UBP1: variants seen among roughly 807,000 people sequenced by gnomAD.
UBP1 encodes upstream binding protein 1.
A neutral mutation model predicts 76.1 loss-of-function variants in UBP1; 22 were observed. That is an observed-to-expected ratio of 0.29 (90% confidence interval 0.21 to 0.41). The LOEUF (loss-of-function observed/expected upper bound fraction) is 0.41, where lower values mean the gene tolerates loss of function less well. UBP1 is among the 10% of genes least tolerant of loss of function. UBP1 has a pLI of 1.00. For missense variants in UBP1, 436 were observed against 668.1 expected (o/e 0.65, Z 3.83); for synonymous variants, 224 against 237.1 (o/e 0.94, Z 0.51).
In UBP1 at chr3:33,440,080, C is replaced by A. The variant is rs2045268043; in HGVS notation, c.-232G>T. 4 of 451,210 alleles carry A rather than the reference C, an allele frequency of 8.9e-6. No homozygotes were observed. Among genetic ancestry groups the A allele is most frequent in the African/African-American group, 2.1e-5 (1 of 47,670 alleles). 28.0% of individuals were successfully genotyped at this position (451,210 alleles called of 1,614,324 possible). Reference sequence around the variant, plus strand: ...CGGGCCGCCGGCAGCGCCACCCTCCCGCGGACACCGGCCCTGCGCCTCATG... The same window carrying A: ...CGGGCCGCCGGCAGCGCCACCCTCCAGCGGACACCGGCCCTGCGCCTCATG... On this transcript the variant is annotated 5_prime_UTR_variant, in exon 1 of 16. Coordinates refer to ENST00000283629, the MANE Select transcript of UBP1 (RefSeq NM_014517.5).
chr3:33,409,374 T>A lies in UBP1; in HGVS notation c.709-28A>T. ...TAAAAACAAAGTATACTATTTCATC[T>A]ATCAGGCTGCAGACACACAGCTTTA... is the stretch of plus-strand genomic sequence containing the variant. On this transcript the variant is annotated intron_variant, in intron 6 of 15. Transcript: ENST00000283629. 1.9e-6 allele frequency: 3 copies of A among 1,614,022 alleles called. No homozygotes were observed. The South Asian group carries it at 3.3e-5, about 18-fold the overall frequency.
chr3:33,401,106 T>C (rs2044211859), intron 9 of UBP1, 90 bp from the exon 10 acceptor site: 18 of 1,280,318 alleles, frequency 1.4e-5, no homozygotes, highest in Non-Finnish European at 1.8e-5. Context: ...ATTGTAACTA[T>C]GCAAATTTCA....
At chr3:33,435,100 C>T (rs2045184396) in intron 1 of UBP1, among the ~76,000 whole-genome samples, 2 of 152,184 alleles carry the variant, frequency 1.3e-5, no homozygotes, top group Admixed American at 1.3e-4. Context: ...CCAACCTTAG[C>T]TTTACAGTAA....
At position 33,396,169 on chromosome 3, in the gene UBP1, T is replaced by C; in HGVS notation, c.1383A>G (p.Ala461=). 6.3e-7 allele frequency: 1 copy of C among 1,578,774 alleles called. No homozygotes were observed. The highest frequency in any genetic ancestry group is 1.1e-5 in the South Asian group (1 of 88,488). ...GATGCCCTCAATACCTACCATAGGG[T>C]GCCCCACTGCCATTCTCGCTTGCAC... The part of the protein sequence containing the change: ...ASSASENGSG[A]PYVYHAIYLE... Residue 461 remains alanine (A), a synonymous_variant, in exon 13 of 16, where the codon GCA becomes GCG. Coordinates refer to ENST00000283629, the MANE Select transcript of UBP1 (RefSeq NM_014517.5).
At chr3:33,425,181 CA>C (rs2154059166) in intron 2 of UBP1, among the ~76,000 whole-genome samples, 1 of 152,240 alleles carries the variant, frequency 6.6e-6, no homozygotes, top group East Asian at 1.9e-4. Context: ...TTTATTTAGC[CA>C]CAGACTCCAT....
chr3:33,419,668 T>C (rs1339078599), intron 2 of UBP1, among the ~76,000 whole-genome samples: 2 of 151,394 alleles, frequency 1.3e-5, no homozygotes, highest in Non-Finnish European at 2.9e-5. Context: ...AAAGACTCTA[T>C]AACACTTGCT....
intron 1 of UBP1, among the ~76,000 whole-genome samples, chr3:33,426,004 T>TA (rs1158174502): frequency 1.5e-5 from 1 of 67,736 alleles, no homozygotes; most frequent in East Asian, 6.7e-4. Context: ...TGAATATATA[T>TA]ATATATATAT....
chr3:33,396,144 G>C lies in UBP1; in HGVS notation c.1390+18C>G. On this transcript the variant is annotated intron_variant, in intron 13 of 15. Coordinates refer to ENST00000283629, the MANE Select transcript of UBP1 (RefSeq NM_014517.5). ...ACAGTCTCAGAAGTGACAGAATTGA[G>C]ATGCCCTCAATACCTACCATAGGGT... The C allele has an allele frequency of 1.3e-6, 2 of 1,530,950 alleles. No individual in the cohort carries two copies. Among genetic ancestry groups the C allele is most frequent in the Non-Finnish European group, 1.8e-6 (2 of 1,118,910 alleles). 94.8% of individuals were successfully genotyped at this position (1,530,950 alleles called of 1,614,324 possible). A position where few individuals can be genotyped will look rare whatever the true frequency, so the allele number is the denominator to read the frequency against.
In UBP1 at chr3:33,439,978, G is replaced by T; in HGVS notation, c.-130C>A. 1.0e-6 allele frequency: 1 copy of T among 956,666 alleles called. No homozygotes were observed. Among genetic ancestry groups the T allele is most frequent in the African/African-American group, 1.8e-5 (1 of 56,924 alleles). 59.3% of individuals were successfully genotyped at this position (956,666 alleles called of 1,614,324 possible). On this transcript the variant is annotated 5_prime_UTR_variant, in exon 1 of 16. Coordinates refer to ENST00000283629, the MANE Select transcript of UBP1 (RefSeq NM_014517.5). ...GGAGGGGCGGCGAGTGGTCACCAGC[G>T]GCGGCCGGGACGAGAGCTGCGGGGG...
intron 1 of UBP1, among the ~76,000 whole-genome samples, chr3:33,438,982 A>G (rs1287490135): frequency 1.3e-5 from 2 of 152,202 alleles, no homozygotes; most frequent in Admixed American, 1.3e-4. Flanking sequence ...TAAAGCCACT[A>G]AAAAAATACA....
chr3:33,390,756 C>T (rs982226382), intron 15 of UBP1: 1 of 185,042 alleles, frequency 5.4e-6, no homozygotes, highest in Non-Finnish European at 1.1e-5. Context: ...CAAATGTGTA[C>T]ATCTACCTTT....
chr3:33,412,156 C>T (rs909167240), intron 4 of UBP1, among the ~76,000 whole-genome samples: 3 of 141,858 alleles, frequency 2.1e-5, no homozygotes, highest in Admixed American at 7.2e-5. Flanking sequence ...CACTGCACTC[C>T]AGCCTGGGCA....
chr3:33,432,969 A>C (rs1267506684), intron 1 of UBP1, among the ~76,000 whole-genome samples: 1 of 152,202 alleles, frequency 6.6e-6, no homozygotes, highest in Non-Finnish European at 1.5e-5. Context: ...TTTTAAGTTA[A>C]AAGTTCAACT....
chr3:33,412,952 T>G, intron 3 of UBP1, 125 bp from the exon 4 acceptor site: 1 of 585,444 alleles, frequency 1.7e-6, no homozygotes, highest in Non-Finnish European at 3.1e-6. Context: ...GTTTTAAACA[T>G]TCTGTAAGTG....
intron 1 of UBP1, among the ~76,000 whole-genome samples, chr3:33,430,537 AAAC>A (rs2045095555): frequency 6.6e-6 from 1 of 152,214 alleles, no homozygotes; most frequent in Non-Finnish European, 1.5e-5. Flanking sequence ...CCAACAGCAA[AAAC>A]AACAGATGAC....
intron 8 of UBP1, among the ~76,000 whole-genome samples, 153 bp downstream of exon 8, chr3:33,408,537 C>G (rs41285091): frequency 1.3e-5 from 2 of 152,022 alleles, no homozygotes; most frequent in Non-Finnish European, 2.9e-5. Flanking sequence ...CAGTGAGGAA[C>G]AAACAGAAGC....
chr3:33,390,143 T>G lies in UBP1; in HGVS notation c.*188A>C, dbSNP rs929968947. 1.6e-6 allele frequency: 1 copy of G among 613,434 alleles called. No individual in the cohort carries two copies. The highest frequency in any genetic ancestry group is 1.8e-5 in the African/African-American group (1 of 54,098). 38.0% of individuals were successfully genotyped at this position (613,434 alleles called of 1,614,324 possible). On this transcript the variant is annotated 3_prime_UTR_variant, in exon 16 of 16. Transcript: ENST00000283629. ...GCCGATGTGCTCACTCTCATGAGGATGCTTGGCTATGGCAGTGACAGTGAG... is the reference window on the plus strand; with the variant it reads ...GCCGATGTGCTCACTCTCATGAGGAGGCTTGGCTATGGCAGTGACAGTGAG...
intron 8 of UBP1, 72 bp from the exon 9 acceptor site, chr3:33,402,976 C>T: frequency 2.3e-6 from 3 of 1,285,416 alleles, no homozygotes; most frequent in Non-Finnish European, 3.3e-6. Flanking sequence ...TTGTAATTCA[C>T]TCACTAACCA....
chr3:33,390,100 G>A lies in UBP1; in HGVS notation c.*231C>T, dbSNP rs1011995157. 13 of 508,818 alleles carry A rather than the reference G, an allele frequency of 2.6e-5. No individual in the cohort carries two copies. The highest frequency in any genetic ancestry group is 2.5e-4 in the African/African-American group (13 of 52,268). 31.5% of individuals were successfully genotyped at this position (508,818 alleles called of 1,614,324 possible). On this transcript the variant is annotated 3_prime_UTR_variant, in exon 16 of 16. Coordinates refer to ENST00000283629, the MANE Select transcript of UBP1 (RefSeq NM_014517.5). Reference sequence around the variant, plus strand: ...AGCTATGCCTGCACCGTGGCCTCCAGAGCTGGATGCATGCTGTGCCGATGT... The same window carrying A: ...AGCTATGCCTGCACCGTGGCCTCCAAAGCTGGATGCATGCTGTGCCGATGT...
Sources: allele counts gnomAD v4.1 joint callset (sites outside exome capture counted in the v4.1 genomes callset), GRCh38; gene constraint gnomAD v4.1.1; transcripts MANE v1.5; gene names NCBI Gene and HGNC (gene_info 2026-07-23, HGNC 2026-07-21).